The following ST6GALNAC3 variants were observed in gnomAD, a reference collection of about 807,000 sequenced individuals.
ST6GALNAC3 encodes the protein alpha-N-acetylgalactosaminide alpha-2,6-sialyltransferase 3.
ST6GALNAC3 carries 25 observed loss-of-function variants against 32.7 expected under a neutral mutation model. That is an observed-to-expected ratio of 0.76 (90% CI 0.56 to 1.07). The LOEUF (loss-of-function observed/expected upper bound fraction) is 1.07. ST6GALNAC3 is among the 50% of genes least tolerant of loss of function. ST6GALNAC3 has a pLI of 0.00. For missense variants in ST6GALNAC3, 355 were observed against 382.4 expected (o/e 0.93, Z 0.60); for synonymous variants, 129 against 133.1 (o/e 0.97, Z 0.21).
intron 1 of ST6GALNAC3, among the ~76,000 whole-genome samples, chr1:76,079,775 C>T (rs1234042960): frequency 1.3e-5 from 2 of 152,200 alleles, no homozygotes; most frequent in African/African-American, 4.8e-5. Context: ...AGTTCTGTCT[C>T]AGGAAAACCT....
intron 3 of ST6GALNAC3, among the ~76,000 whole-genome samples, chr1:76,549,931 G>A (rs1055938212): frequency 6.6e-6 from 1 of 152,160 alleles, no homozygotes; most frequent in Non-Finnish European, 1.5e-5. Flanking sequence ...TGACAATGAG[G>A]AAGGTCGAAG....
chr1:76,269,439 G>C (rs1421568332), intron 1 of ST6GALNAC3, among the ~76,000 whole-genome samples: 25 of 152,222 alleles, frequency 1.6e-4, no homozygotes, highest in Admixed American at 1.6e-3. Context: ...AGGGCCCTTT[G>C]TTGCCAAATT....
chr1:76,264,159 A>G (rs1171430710), intron 1 of ST6GALNAC3, among the ~76,000 whole-genome samples: 2 of 152,190 alleles, frequency 1.3e-5, no homozygotes, highest in Non-Finnish European at 2.9e-5. Flanking sequence ...CTCAGCGAGT[A>G]GATAATAGCC....
chr1:76,282,750 C>T (rs1659566288), intron 1 of ST6GALNAC3, among the ~76,000 whole-genome samples: 1 of 152,050 alleles, frequency 6.6e-6, no homozygotes, highest in East Asian at 1.9e-4. Context: ...CTTCCCCAGC[C>T]AGATGCAGTG....
At chr1:76,118,602 C>T (rs145452192) in intron 1 of ST6GALNAC3, among the ~76,000 whole-genome samples, 1 of 152,146 alleles carries the variant, frequency 6.6e-6, no homozygotes, top group African/African-American at 2.4e-5. Flanking sequence ...GTGCAGATGA[C>T]CTAGGGCATT....
chr1:76,132,185 G>T (rs970266826), intron 1 of ST6GALNAC3, among the ~76,000 whole-genome samples: 14 of 152,180 alleles, frequency 9.2e-5, no homozygotes, highest in African/African-American at 3.4e-4. Flanking sequence ...GGAGCGTGGA[G>T]CCTTTGGCCC....
At chr1:76,444,207 A>G (rs1171064490) in intron 3 of ST6GALNAC3, among the ~76,000 whole-genome samples, 3 of 152,224 alleles carry the variant, frequency 2.0e-5, no homozygotes, top group South Asian at 2.1e-4. Context: ...TATCTTTCTA[A>G]AAGTGCACCA....
At chr1:76,301,102 T>C (rs1660704045) in intron 1 of ST6GALNAC3, among the ~76,000 whole-genome samples, 1 of 152,028 alleles carries the variant, frequency 6.6e-6, no homozygotes, top group South Asian at 2.1e-4. Context: ...GACCCTTTGG[T>C]TTTACAGATG....
intron 1 of ST6GALNAC3, among the ~76,000 whole-genome samples, chr1:76,264,045 C>G (rs1162180642): frequency 1.3e-5 from 2 of 152,046 alleles, no homozygotes; most frequent in South Asian, 4.1e-4. Context: ...AGACATTCAC[C>G]GTTATTATTT....
At chr1:76,212,542 A>G (rs1274783116) in intron 1 of ST6GALNAC3, among the ~76,000 whole-genome samples, 1 of 152,218 alleles carries the variant, frequency 6.6e-6, no homozygotes, top group East Asian at 1.9e-4. Flanking sequence ...AGGAGTTTGA[A>G]GCCTTAGTTT....
chr1:76,462,353 A>G (rs1658336456), intron 3 of ST6GALNAC3, among the ~76,000 whole-genome samples: 1 of 151,854 alleles, frequency 6.6e-6, no homozygotes, highest in Non-Finnish European at 1.5e-5. Context: ...TCATTCCATT[A>G]TTTTTCCCTT....
chr1:76,549,287 C>T (rs1000987375), intron 3 of ST6GALNAC3, among the ~76,000 whole-genome samples: 3 of 152,052 alleles, frequency 2.0e-5, no homozygotes, highest in Admixed American at 1.3e-4. Flanking sequence ...CTTCCCTGTC[C>T]GTGCTCCTGT....
intron 1 of ST6GALNAC3, among the ~76,000 whole-genome samples, chr1:76,114,176 C>T (rs1464346114): frequency 1.3e-5 from 2 of 151,990 alleles, no homozygotes; most frequent in African/African-American, 4.8e-5. Flanking sequence ...AAACAGCATG[C>T]ATTACCTAAT....
At chr1:76,241,371 C>T (rs1399037038) in intron 1 of ST6GALNAC3, among the ~76,000 whole-genome samples, 1 of 152,126 alleles carries the variant, frequency 6.6e-6, no homozygotes, top group African/African-American at 2.4e-5. Flanking sequence ...GAAGCAGAAC[C>T]AGTGTGTGCA....
chr1:76,512,164 G>A (rs1453020487), intron 3 of ST6GALNAC3, among the ~76,000 whole-genome samples: 4 of 151,924 alleles, frequency 2.6e-5, no homozygotes, highest in East Asian at 1.9e-4. Flanking sequence ...GAAAAATGTC[G>A]TACTTGAATA....
At chr1:76,457,593 A>G (rs1267852913) in intron 3 of ST6GALNAC3, among the ~76,000 whole-genome samples, 4 of 152,006 alleles carry the variant, frequency 2.6e-5, no homozygotes, top group Admixed American at 2.0e-4. Flanking sequence ...ATCTACAACT[A>G]TCTGATCTTT....
rs1308170599 is a variant in ST6GALNAC3, at chr1:76,414,694, AC to A, written c.623+2281del. ...TCATGACCAGTATGGTTTCATCTATACCCCTACACACTTTCTCTCTCACCAA... is the reference window on the plus strand; with the variant it reads ...TCATGACCAGTATGGTTTCATCTATACCCTACACACTTTCTCTCTCACCAA... On this transcript the variant is annotated intron_variant, in intron 3 of 4. Coordinates refer to ENST00000328299, the MANE Select transcript of ST6GALNAC3 (RefSeq NM_152996.4). 2.6e-5 allele frequency among the ~76,000 whole-genome samples: 4 copies of A among 152,126 alleles called. No homozygotes were observed. The East Asian group carries it at 5.8e-4, about 22-fold the overall frequency.
intron 2 of ST6GALNAC3, among the ~76,000 whole-genome samples, chr1:76,409,602 C>T (rs1478465558): frequency 6.6e-6 from 1 of 151,944 alleles, no homozygotes; most frequent in Non-Finnish European, 1.5e-5. Context: ...TGGTATATCC[C>T]TATAATGGAA....
chr1:76,167,621 G>A (rs1260383655), intron 1 of ST6GALNAC3, among the ~76,000 whole-genome samples: 2 of 151,550 alleles, frequency 1.3e-5, no homozygotes, highest in African/African-American at 4.8e-5. Flanking sequence ...ATCTGGCCCT[G>A]GGCTTTTATT....
Sources: allele counts gnomAD v4.1 joint callset (sites outside exome capture counted in the v4.1 genomes callset), GRCh38; gene constraint gnomAD v4.1.1; transcripts MANE v1.5; gene names NCBI Gene and HGNC (gene_info 2026-07-23, HGNC 2026-07-21).